The following NRXN1 variants were observed in gnomAD, a reference collection of about 807,000 sequenced individuals.
The protein encoded by NRXN1 is neurexin-1.
A neutral mutation model predicts 150.9 loss-of-function variants in NRXN1; 39 were observed. The observed-to-expected ratio is 0.26, with a 90% confidence interval of 0.20 to 0.34. The LOEUF (loss-of-function observed/expected upper bound fraction) is 0.34, where lower values mean the gene tolerates loss of function less well. Ranked by LOEUF, NRXN1 falls within the 10% of genes least tolerant of loss-of-function variation. The probability of loss-of-function intolerance (pLI) is 1.00; values close to 1 mark genes in which losing one functional copy is unlikely to be tolerated. For synonymous variants in NRXN1, 924 were observed against 757.0 expected (o/e 1.22, Z -3.62); for missense variants, 1,815 against 1,949.9 (o/e 0.93, Z 1.30).
At chr2:50,629,672 A>C (rs1364196893) in intron 5 of NRXN1, among the ~76,000 whole-genome samples, 1 of 151,706 alleles carries the variant, frequency 6.6e-6, no homozygotes, top group Non-Finnish European at 1.5e-5. Flanking sequence ...TGTCTGATGA[A>C]GTATTTTCTT....
chr2:50,633,570 A>T (rs1682743890), intron 5 of NRXN1, among the ~76,000 whole-genome samples: 1 of 151,800 alleles, frequency 6.6e-6, no homozygotes, highest in Non-Finnish European at 1.5e-5. Flanking sequence ...TAATGCAAAG[A>T]AGTAGGTCAG....
intron 5 of NRXN1, among the ~76,000 whole-genome samples, chr2:50,737,808 T>C (rs1210459308): frequency 2.0e-5 from 3 of 152,114 alleles, no homozygotes; most frequent in Admixed American, 6.5e-5. Flanking sequence ...GATTTCATTA[T>C]AAAAACACCC....
intron 21 of NRXN1, among the ~76,000 whole-genome samples, chr2:50,010,213 T>C (rs1412193595): frequency 6.6e-6 from 1 of 151,890 alleles, no homozygotes; most frequent in African/African-American, 2.4e-5. Context: ...ACAGACTCAA[T>C]AAGAAGTCAA....
chr2:50,136,848 A>C (rs1431927584), intron 18 of NRXN1, among the ~76,000 whole-genome samples: 2 of 152,206 alleles, frequency 1.3e-5, no homozygotes, highest in Non-Finnish European at 2.9e-5. Flanking sequence ...ACATATGACT[A>C]TCCATTTGTA....
chr2:50,594,524 T>C (rs1246822112), intron 8 of NRXN1, among the ~76,000 whole-genome samples: 2 of 152,108 alleles, frequency 1.3e-5, no homozygotes, highest in Non-Finnish European at 2.9e-5. Context: ...GATAACTTTA[T>C]TACACATGAT....
rs1668068150 is a variant in NRXN1 at position 49,920,824 on chromosome 2, T to G, written c.*1120A>C. The G allele has an allele frequency of 6.6e-6, 1 of 152,426 alleles. No homozygotes were observed. The highest frequency in any genetic ancestry group is 2.1e-4 in the South Asian group (1 of 4,816). 9.4% of individuals were successfully genotyped at this position (152,426 alleles called of 1,614,324 possible). A position where few individuals can be genotyped will look rare whatever the true frequency, so the allele number is the denominator to read the frequency against. The stretch of plus-strand genomic sequence containing the variant: ...ATACATATGTATATATGTGACTTTC[T>G]AATTCACACCTTTCATACAAGTACT... On this transcript the variant is annotated 3_prime_UTR_variant, in exon 23 of 23. Transcript: ENST00000401669.
At chr2:50,934,708 G>A (rs1187181345) in intron 2 of NRXN1, among the ~76,000 whole-genome samples, 1 of 152,034 alleles carries the variant, frequency 6.6e-6, no homozygotes, top group Non-Finnish European at 1.5e-5. Flanking sequence ...TTCAAAAAAG[G>A]AAATAATTAA....
chr2:50,679,558 G>A (rs936964256), intron 5 of NRXN1, among the ~76,000 whole-genome samples: 3 of 152,102 alleles, frequency 2.0e-5, no homozygotes, highest in Non-Finnish European at 4.4e-5. Flanking sequence ...ATCAATGAGA[G>A]ATGATCTGTG....
At chr2:50,673,377 A>G (rs1689122476) in intron 5 of NRXN1, among the ~76,000 whole-genome samples, 1 of 152,166 alleles carries the variant, frequency 6.6e-6, no homozygotes, top group Non-Finnish European at 1.5e-5. Flanking sequence ...AATAATATGA[A>G]GCCAGAGTCA....
chr2:50,825,424 G>C (rs1014282781), intron 5 of NRXN1, among the ~76,000 whole-genome samples: 11 of 152,244 alleles, frequency 7.2e-5, no homozygotes, highest in African/African-American at 2.4e-4. Context: ...CATCCAAGTA[G>C]GTGAGAAAGG....
intron 17 of NRXN1, among the ~76,000 whole-genome samples, chr2:50,363,787 C>A (rs374268586): frequency 6.6e-6 from 1 of 152,174 alleles, no homozygotes; most frequent in South Asian, 2.1e-4. Flanking sequence ...AAGACATATG[C>A]ACATTTATGT....
chr2:50,236,915 A>C lies in NRXN1; in HGVS notation c.3420T>G (p.Pro1140=), dbSNP rs771838558. Residue 1140 remains proline (P), a synonymous_variant, in exon 18 of 23, where the codon CCT becomes CCG. Coordinates refer to ENST00000401669, the MANE Select transcript of NRXN1 (RefSeq NM_001330078.2). ...KGGGQITYKW[P]PNDRPSTRAD... ...CTCGTGTACTGGGTCGGTCATTAGG[A>C]GGCCACTTATACGTGATTTGTCCAC... 6.2e-7 allele frequency: 1 copy of C among 1,613,408 alleles called. No homozygotes were observed. The highest frequency in any genetic ancestry group is 1.1e-5 in the South Asian group (1 of 91,082).
At chr2:50,958,981 AGT>A (rs1423879490) in intron 2 of NRXN1, among the ~76,000 whole-genome samples, 9 of 152,204 alleles carry the variant, frequency 5.9e-5, no homozygotes, top group Middle Eastern at 3.4e-3. Flanking sequence ...ATTTTGTCGT[AGT>A]GTCTTTGCTA....
intron 12 of NRXN1, among the ~76,000 whole-genome samples, chr2:50,521,600 C>T (rs182632409): frequency 1.3e-5 from 2 of 152,084 alleles, no homozygotes; most frequent in Non-Finnish European, 2.9e-5. Context: ...ATTCTTTGAC[C>T]GTCCCCATGA....
rs537578018 is a variant in NRXN1, at chr2:49,941,696, T to C, written c.4216+2008A>G. The stretch of plus-strand genomic sequence containing the variant: ...TCAACAGTTTTCATCGCTGTATTAA[T>C]ACTGTGTAAAATACTGAAAAATGGA... On this transcript the variant is annotated intron_variant, in intron 22 of 22. Coordinates refer to ENST00000401669, the MANE Select transcript of NRXN1 (RefSeq NM_001330078.2). Among the ~76,000 whole-genome samples the C allele has an allele frequency of 5.3e-5, 8 of 152,264 alleles. No homozygotes were observed. The East Asian group carries it at 5.8e-4, about 11-fold the overall frequency.
intron 5 of NRXN1, among the ~76,000 whole-genome samples, chr2:50,815,795 G>A (rs1668845906): frequency 6.6e-6 from 1 of 152,136 alleles, no homozygotes; most frequent in Admixed American, 6.5e-5. Context: ...TTTATCTATA[G>A]AATTAATTGT....
Position 50,489,182 on chromosome 2 carries a change from T to C in NRXN1, c.3070+6723A>G, listed in dbSNP as rs565342231. On this transcript the variant is annotated intron_variant, in intron 15 of 22. Coordinates refer to ENST00000401669, the MANE Select transcript of NRXN1 (RefSeq NM_001330078.2). The stretch of plus-strand genomic sequence containing the variant: ...CTATTTCTCCCTGTGCACAACCTCC[T>C]TGTGGCTGTTCCAAGCATGGAAGCC... Among the ~76,000 whole-genome samples, 10 of 152,326 alleles carry C rather than the reference T, an allele frequency of 6.6e-5. No individual in the cohort carries two copies. In the South Asian group the frequency reaches 8.3e-4, roughly 13 times the overall value.
In NRXN1 at chr2:50,347,339, C is replaced by T. The variant is rs1381751823; in HGVS notation, c.3365-110369G>A. ...GGGGCCGAGAAATTGTTTAAAGCTC[C>T]TCCTGGAAGGTCCTCACTTCTACAT... On this transcript the variant is annotated intron_variant, in intron 17 of 22. Transcript: ENST00000401669. This position sits in a 1 kb window ranked among gnomAD's most constrained non-coding sequence, Gnocchi z 4.9. 2 of 1,240,676 alleles carry T rather than the reference C, an allele frequency of 1.6e-6. No homozygotes were observed. The highest frequency in any genetic ancestry group is 3.1e-5 in the African/African-American group (2 of 64,100). The allele number at this position is 1,240,676 out of a possible 1,614,324, so 76.9% of individuals were successfully genotyped here. A position where few individuals can be genotyped will look rare whatever the true frequency, so the allele number is the denominator to read the frequency against.
intron 5 of NRXN1, among the ~76,000 whole-genome samples, chr2:50,921,164 C>G (rs1685971395): frequency 6.6e-6 from 1 of 151,802 alleles, no homozygotes; most frequent in African/African-American, 2.4e-5. Context: ...CCACTTACTT[C>G]CTTTTAATGA....
Sources: allele counts gnomAD v4.1 joint callset (sites outside exome capture counted in the v4.1 genomes callset), GRCh38; gene constraint gnomAD v4.1.1; non-coding constraint Gnocchi (gnomAD v3.1); transcripts MANE v1.5; gene names NCBI Gene and HGNC (gene_info 2026-07-23, HGNC 2026-07-21).